Variants in MGRN1 observed in about 807,000 individuals in gnomAD.
The protein encoded by MGRN1 is E3 ubiquitin-protein ligase MGRN1.
A neutral mutation model predicts 69.2 loss-of-function variants in MGRN1; 29 were observed. The ratio of observed to expected loss-of-function variants is 0.42; its 90% CI spans 0.31 to 0.57. MGRN1 has a LOEUF of 0.57. Among genes scored for constraint, MGRN1 ranks in the 20% least tolerant of loss-of-function variants. The pLI is 0.15. For synonymous variants in MGRN1, 470 were observed against 344.2 expected, an observed-to-expected ratio of 1.37 and a Z score of -4.04; for missense variants, 998 against 796.2, an observed-to-expected ratio of 1.25 and a Z score of -3.05.
At chr16:4,671,857 A>C (rs1387143010) in intron 9 of MGRN1, among the ~76,000 whole-genome samples, 1 of 152,180 alleles carries the variant, frequency 6.6e-6, no homozygotes, top group Non-Finnish European at 1.5e-5. Context: ...CCTGACAAAT[A>C]AGCCGTGGTG....
chr16:4,652,661 T>A lies in MGRN1; in HGVS notation c.297-17T>A. 1 of 1,595,592 alleles carries A rather than the reference T, an allele frequency of 6.3e-7. No homozygotes were observed. The highest frequency in any genetic ancestry group is 8.6e-7 in the Non-Finnish European group (1 of 1,168,064). Reference sequence around the variant, plus strand: ...GGGCCGCTGACCCGCTGCCTTTCTCTCCACCGCCTGGGGTAGGTACAAAGA... The same window carrying A: ...GGGCCGCTGACCCGCTGCCTTTCTCACCACCGCCTGGGGTAGGTACAAAGA... On this transcript the variant is annotated splice_polypyrimidine_tract_variant and intron_variant, in intron 3 of 16. Coordinates refer to ENST00000262370, the MANE Select transcript of MGRN1 (RefSeq NM_015246.4).
At position 4,682,892 on chromosome 16, in the gene MGRN1, C is replaced by T. The variant is rs542394838; in HGVS notation, c.1428C>T (p.Ala476=). 9.3e-6 allele frequency: 15 copies of T among 1,609,488 alleles called. No homozygotes were observed. The highest frequency in any genetic ancestry group is 1.7e-4 in the Middle Eastern group (1 of 6,010). ...AGAAGCTCTCCGAGGACGTGGACGC[C>T]CCTCCCCCACTGGGTGGCGCAGAGC... ...DEEKLSEDVD[A]PPPLGGAELA... The change falls in exon 14 of 17, where the codon GCC becomes GCT. Residue 476 remains alanine (A), a synonymous_variant. Transcript: ENST00000262370.
At chr16:4,668,945 C>T (rs1373711443) in intron 8 of MGRN1, among the ~76,000 whole-genome samples, 1 of 152,154 alleles carries the variant, frequency 6.6e-6, no homozygotes, top group Non-Finnish European at 1.5e-5. Context: ...CACTTGCACA[C>T]ATATACATAG....
intron 1 of MGRN1, among the ~76,000 whole-genome samples, chr16:4,644,278 C>T (rs2078227858): frequency 6.6e-6 from 1 of 151,262 alleles, no homozygotes; most frequent in African/African-American, 2.4e-5. Context: ...AGGTGTTAGC[C>T]ACCGTGCTTG....
intron 5 of MGRN1, among the ~76,000 whole-genome samples, chr16:4,659,879 C>T (rs1287450958): frequency 1.3e-5 from 2 of 152,144 alleles, no homozygotes; most frequent in African/African-American, 2.4e-5. Flanking sequence ...GTGGCTTAGC[C>T]TCCCATCTCC....
intron 11 of MGRN1, among the ~76,000 whole-genome samples, chr16:4,678,989 C>G (rs188223451): frequency 1.3e-5 from 2 of 152,334 alleles, no homozygotes; most frequent in East Asian, 3.9e-4. Context: ...TTGGGTTTGT[C>G]TTTTAAAATC....
chr16:4,650,270 T>C, intron 1 of MGRN1, 95 bp from the exon 2 acceptor site: 1 of 964,226 alleles, frequency 1.0e-6, no homozygotes, highest in Non-Finnish European at 1.5e-6. Flanking sequence ...GCCACTGCAC[T>C]CCAGCCTGGG....
intron 1 of MGRN1, among the ~76,000 whole-genome samples, chr16:4,635,276 G>A (rs1201401936): frequency 1.3e-5 from 2 of 151,880 alleles, no homozygotes; most frequent in African/African-American, 2.4e-5. Flanking sequence ...AAATAGCCAA[G>A]TGTGGTGGTG....
intron 1 of MGRN1, among the ~76,000 whole-genome samples, chr16:4,639,349 C>T (rs1340199132): frequency 2.0e-5 from 3 of 152,132 alleles, no homozygotes; most frequent in African/African-American, 4.8e-5. Flanking sequence ...CCGCGGCATC[C>T]CAAGGAGGGA....
chr16:4,643,315 C>T (rs780581254), intron 1 of MGRN1, among the ~76,000 whole-genome samples: 3 of 151,800 alleles, frequency 2.0e-5, no homozygotes, highest in Admixed American at 6.6e-5. Flanking sequence ...AGGCAGGTCT[C>T]GAACTGCTGG....
chr16:4,676,394 C>G (rs1290593568), intron 10 of MGRN1, among the ~76,000 whole-genome samples: 3 of 152,224 alleles, frequency 2.0e-5, no homozygotes, highest in South Asian at 2.1e-4. Flanking sequence ...GCTGGAGATA[C>G]AGCAGGGCTG....
rs116049508 is a variant in MGRN1 at position 4,625,777 on chromosome 16, T to C, written c.88+729T>C. On this transcript the variant is annotated intron_variant, in intron 1 of 16. Coordinates refer to ENST00000262370, the MANE Select transcript of MGRN1 (RefSeq NM_015246.4). ...CTCTCTTTCTGCCTCTATTGATGAGTTATGTGTTGACTGGGAGCATCTAGC... is the reference window on the plus strand; with the variant it reads ...CTCTCTTTCTGCCTCTATTGATGAGCTATGTGTTGACTGGGAGCATCTAGC... 1.9e-3 allele frequency among the ~76,000 whole-genome samples: 292 copies of C among 152,268 alleles called. 1 individual carries two copies. The highest frequency in any genetic ancestry group is 6.8e-3 in the African/African-American group (283 of 41,566).
chr16:4,688,219 T>C, intron 16 of MGRN1: 1 of 985,654 alleles, frequency 1.0e-6, no homozygotes, highest in South Asian at 4.7e-5. Flanking sequence ...ACCAGCACCA[T>C]TGCCCAAGCC....
chr16:4,645,117 G>A (rs1214591318), intron 1 of MGRN1, among the ~76,000 whole-genome samples: 2 of 138,628 alleles, frequency 1.4e-5, no homozygotes. Context: ...ATATATGCGT[G>A]TGCATATATA....
chr16:4,662,677 G>A (rs1274581613), intron 5 of MGRN1, among the ~76,000 whole-genome samples: 3 of 152,200 alleles, frequency 2.0e-5, no homozygotes, highest in Non-Finnish European at 4.4e-5. Context: ...GAAAGAAGCC[G>A]AGGCTCGGAG....
intron 5 of MGRN1, among the ~76,000 whole-genome samples, chr16:4,663,889 C>T (rs1003555922): frequency 3.3e-5 from 5 of 152,178 alleles, no homozygotes; most frequent in Admixed American, 2.0e-4. Flanking sequence ...GTGGGATGAA[C>T]GCAAGAGGAA....
intron 11 of MGRN1, among the ~76,000 whole-genome samples, chr16:4,678,645 G>C (rs1035717113): frequency 2.6e-5 from 4 of 152,206 alleles, no homozygotes; most frequent in Admixed American, 1.3e-4. Context: ...GCAGAATGGG[G>C]GAGTTGGACA....
intron 12 of MGRN1, 23 bp downstream of exon 12, chr16:4,680,120 A>C: frequency 6.2e-7 from 1 of 1,611,484 alleles, no homozygotes; most frequent in Non-Finnish European, 8.5e-7. Context: ...TCCTCCGGCT[A>C]CGTTTTTTTG....
At chr16:4,625,740 C>G (rs931739928) in intron 1 of MGRN1, among the ~76,000 whole-genome samples, 1 of 152,234 alleles carries the variant, frequency 6.6e-6, no homozygotes, top group Non-Finnish European at 1.5e-5. Context: ...TCCCACGTAG[C>G]TTTGTTCCCA....
Sources: gnomAD v4.1 joint callset for allele counts (sites outside exome capture counted in the v4.1 genomes callset) on GRCh38, gnomAD v4.1.1 for gene constraint, MANE v1.5 for transcripts, NCBI Gene and HGNC (gene_info 2026-07-23, HGNC 2026-07-21) for gene names.